TLE5: variants seen among roughly 807,000 people sequenced by gnomAD.
TLE5 encodes TLE family member 5.
Under a neutral mutation model 25.8 loss-of-function variants are expected in TLE5, and 7 were observed. The ratio of observed to expected loss-of-function variants is 0.27; its 90% CI spans 0.15 to 0.51. The LOEUF (loss-of-function observed/expected upper bound fraction) is 0.51. Ranked by LOEUF, TLE5 falls within the 20% of genes least tolerant of loss-of-function variation. The probability of loss-of-function intolerance (pLI) is 0.97; values close to 1 mark genes in which losing one functional copy is unlikely to be tolerated. For synonymous variants in TLE5, 132 were observed against 110.5 expected, an observed-to-expected ratio of 1.20 and a Z score of -1.22; for missense variants, 149 against 250.7, an observed-to-expected ratio of 0.59 and a Z score of 2.74.
intron 6 of TLE5, 29 bp downstream of exon 6, chr19:3,054,091 C>CG: frequency 2.8e-5 from 26 of 937,392 alleles, no homozygotes; most frequent in Non-Finnish European, 3.7e-5. Flanking sequence ...ACCTGTCCCC[C>CG]GCCCACCCGC....
In TLE5 at chr19:3,057,750, G is replaced by C; in HGVS notation, c.126-8C>G. On this transcript the variant is annotated splice_polypyrimidine_tract_variant and splice_region_variant and intron_variant, in intron 2 of 6. Transcript: ENST00000327141. ...TCACATTCGAGCTTGAGGCTGAGGAGGCACAGGGGGGAGATGGGGTGGTTA... is the reference window on the plus strand; with the variant it reads ...TCACATTCGAGCTTGAGGCTGAGGACGCACAGGGGGGAGATGGGGTGGTTA... 1 of 1,613,512 alleles carries C rather than the reference G, an allele frequency of 6.2e-7. No individual in the cohort carries two copies. Among genetic ancestry groups the C allele is most frequent in the African/African-American group, 1.3e-5 (1 of 75,064 alleles).
intron 6 of TLE5, 34 bp downstream of exon 6, chr19:3,054,086 T>TCGGGGGCCCCCC: frequency 1.3e-6 from 2 of 1,512,800 alleles, no homozygotes; most frequent in Non-Finnish European, 1.8e-6. Context: ...GGCCCACCTG[T>TCGGGGGCCCCCC]CCCCCGCCCA....
In TLE5 at chr19:3,061,265, G is replaced by T. The variant is rs752799972; in HGVS notation, c.28-8C>A. On this transcript the variant is annotated splice_polypyrimidine_tract_variant and splice_region_variant and intron_variant, in intron 1 of 6. Transcript: ENST00000327141. The stretch of plus-strand genomic sequence containing the variant: ...GGGTAGGTGCGAGGAGCCCTGTAGG[G>T]ATGGGGCGGCCCGGGTCAGGCCCAG... 1 of 1,609,988 alleles carries T rather than the reference G, an allele frequency of 6.2e-7. No individual in the cohort carries two copies. The highest frequency in any genetic ancestry group is 1.1e-5 in the South Asian group (1 of 90,974).
chr19:3,058,914 CTG>C (rs1471210084), intron 2 of TLE5, among the ~76,000 whole-genome samples: 1 of 152,216 alleles, frequency 6.6e-6, no homozygotes, highest in East Asian at 1.9e-4. Flanking sequence ...GTCTTCCCTG[CTG>C]TGTGACTCTA....
intron 2 of TLE5, 35 bp downstream of exon 2, chr19:3,061,125 C>T (rs1354615070): frequency 1.3e-6 from 2 of 1,530,652 alleles, no homozygotes; most frequent in Non-Finnish European, 9.0e-7. Context: ...GACTCACATT[C>T]TCGGGACGCA....
intron 3 of TLE5, among the ~76,000 whole-genome samples, chr19:3,056,927 G>A (rs2090224470): frequency 6.6e-6 from 1 of 152,048 alleles, no homozygotes; most frequent in Non-Finnish European, 1.5e-5. Context: ...TCTCTGTCTG[G>A]TGAACTCCTA....
intron 3 of TLE5, chr19:3,056,904 C>T (rs1019958677): frequency 3.5e-5 from 7 of 200,462 alleles, no homozygotes; most frequent in South Asian, 6.0e-5. Context: ...CAGGCCTTCA[C>T]GTAGTTTCTC....
intron 1 of TLE5, among the ~76,000 whole-genome samples, chr19:3,061,943 T>G (rs1379080686): frequency 4.2e-5 from 1 of 23,608 alleles, no homozygotes; most frequent in Non-Finnish European, 7.8e-5. Context: ...GCCCGGAAGC[T>G]GGGGTGGATC....
upstream of TLE5, chr19:3,062,744 G>A (rs1049295922): frequency 6.5e-7 from 1 of 1,543,894 alleles, no homozygotes; most frequent in African/African-American, 1.4e-5. Flanking sequence ...TCAAAGAAAA[G>A]GGACCCGGCT....
chr19:3,056,596 C>T (rs2090221268), intron 3 of TLE5: 1 of 666,560 alleles, frequency 1.5e-6, no homozygotes, highest in East Asian at 2.9e-5. Flanking sequence ...CGGATGGAGA[C>T]TGGGGGCACT....
intron 2 of TLE5, among the ~76,000 whole-genome samples, chr19:3,059,308 G>C (rs965154332): frequency 2.0e-5 from 3 of 152,026 alleles, no homozygotes. Context: ...GATCACTTGA[G>C]GTCAGGAGTT....
At chr19:3,054,667 A>G in intron 5 of TLE5, 1 of 163,122 alleles carries the variant, frequency 6.1e-6, no homozygotes, top group Admixed American at 5.9e-5. Context: ...GGGAGGGCCC[A>G]ATGAATTCTG....
chr19:3,057,417 G>A (rs1242617651), intron 3 of TLE5: 6 of 486,226 alleles, frequency 1.2e-5, no homozygotes, highest in Admixed American at 3.5e-5. Context: ...TCCCTCCTCC[G>A]CTGCCAAGGA....
chr19:3,062,750 C>T (rs2090283448), upstream of TLE5: 1 of 1,546,388 alleles, frequency 6.5e-7, no homozygotes. Context: ...AAAAGGGACC[C>T]GGCTGCCCGC....
chr19:3,054,086 T>TGGGGGGGGGGGGGC, intron 6 of TLE5, 34 bp downstream of exon 6: 3 of 1,512,774 alleles, frequency 2.0e-6, no homozygotes, highest in South Asian at 1.2e-5. Flanking sequence ...GGCCCACCTG[T>TGGGGGGGGGGGGGC]CCCCCGCCCA....
chr19:3,056,454 G>C (rs954496592), intron 3 of TLE5, 98 bp from the exon 4 acceptor site: 1 of 584,418 alleles, frequency 1.7e-6, no homozygotes, highest in African/African-American at 1.9e-5. Context: ...GACAGACAAA[G>C]GGGGGAGACA....
At chr19:3,057,502 A>C in intron 3 of TLE5, 177 bp downstream of exon 3, 1 of 627,466 alleles carries the variant, frequency 1.6e-6, no homozygotes, top group East Asian at 2.9e-5. Context: ...GCCATCTGCC[A>C]GGCTAGCGAG....
chr19:3,058,826 C>T (rs757463365), intron 2 of TLE5, among the ~76,000 whole-genome samples: 1 of 152,132 alleles, frequency 6.6e-6, no homozygotes, highest in Admixed American at 6.6e-5. Context: ...AGCACAGGGG[C>T]CCTGCGGACC....
chr19:3,056,209 A>AGCCCCG, intron 4 of TLE5, 103 bp downstream of exon 4: 1 of 555,248 alleles, frequency 1.8e-6, no homozygotes, highest in Non-Finnish European at 2.8e-6. Flanking sequence ...TGCCCAGCCG[A>AGCCCCG]GGGCCGGCCG....
Sources: allele counts gnomAD v4.1 joint callset (sites outside exome capture counted in the v4.1 genomes callset), GRCh38; gene constraint gnomAD v4.1.1; transcripts MANE v1.5; gene names NCBI Gene and HGNC (gene_info 2026-07-23, HGNC 2026-07-21).